The following LIMK2 variants were observed in gnomAD, a reference collection of about 807,000 sequenced individuals.
LIMK2 encodes the protein LIM domain kinase 2.
LIMK2 carries 35 observed loss-of-function variants against 75.7 expected under a neutral mutation model. The observed-to-expected ratio is 0.46, with a 90% CI of 0.35 to 0.61. LIMK2 has a LOEUF of 0.61. LIMK2 is among the 20% of genes least tolerant of loss of function. LIMK2 has a pLI of 0.00. For missense variants in LIMK2, 623 were observed against 831.0 expected (o/e 0.75, Z 3.08); for synonymous variants, 301 against 319.2 (o/e 0.94, Z 0.61).
At chr22:31,251,919 A>G (rs561650627) in intron 2 of LIMK2, among the ~76,000 whole-genome samples, 1 of 152,186 alleles carries the variant, frequency 6.6e-6, no homozygotes, top group South Asian at 2.1e-4. Flanking sequence ...AGCCCACTCA[A>G]TTCAGAGGCT....
chr22:31,232,253 G>GAA (rs34104927), intron 2 of LIMK2, among the ~76,000 whole-genome samples: 12,265 of 130,114 alleles, frequency 0.094, 885 homozygotes, highest in East Asian at 0.46. Flanking sequence ...ACTCCCAGGA[G>GAA]AAAAAAAAAA....
chr22:31,270,250 T>C (rs1384330538), intron 11 of LIMK2, among the ~76,000 whole-genome samples: 1 of 151,858 alleles, frequency 6.6e-6, no homozygotes, highest in African/African-American at 2.4e-5. Context: ...TCTCAGCTTG[T>C]GAAGAGGAGA....
chr22:31,244,883 G>T (rs1330592246), intron 2 of LIMK2, among the ~76,000 whole-genome samples: 1 of 152,176 alleles, frequency 6.6e-6, no homozygotes, highest in Non-Finnish European at 1.5e-5. Context: ...ATGGTAGAAC[G>T]TTGTCTATAA....
In LIMK2 at chr22:31,278,544, C is replaced by A; in HGVS notation, c.*103C>A. On this transcript the variant is annotated 3_prime_UTR_variant, in exon 16 of 16. Coordinates refer to ENST00000331728, the MANE Select transcript of LIMK2 (RefSeq NM_005569.4). ...GCCGTCCGGGCTTCCTGTGGATTGGCGGAATGTTTAGAAGCAGAACAAGCC... is the reference window on the plus strand; with the variant it reads ...GCCGTCCGGGCTTCCTGTGGATTGGAGGAATGTTTAGAAGCAGAACAAGCC... The A allele has an allele frequency of 7.6e-7, 1 of 1,311,466 alleles. No individual in the cohort carries two copies. Among genetic ancestry groups the A allele is most frequent in the Non-Finnish European group, 1.0e-6 (1 of 976,458 alleles). 81.2% of individuals were successfully genotyped at this position (1,311,466 alleles called of 1,614,324 possible). A position where few individuals can be genotyped will look rare whatever the true frequency, so the allele number is the denominator to read the frequency against.
intron 2 of LIMK2, among the ~76,000 whole-genome samples, chr22:31,250,962 G>A (rs1192701584): frequency 6.6e-6 from 1 of 152,162 alleles, no homozygotes; most frequent in Non-Finnish European, 1.5e-5. Context: ...CAGATTCCAT[G>A]GGGACATGAT....
intron 13 of LIMK2, chr22:31,273,022 C>A: frequency 8.7e-7 from 1 of 1,151,360 alleles, no homozygotes; most frequent in Non-Finnish European, 1.1e-6. Flanking sequence ...GTGTGGTGCC[C>A]TCTGGTGGAT....
At chr22:31,233,963 C>T (rs1372251954) in intron 2 of LIMK2, among the ~76,000 whole-genome samples, 1 of 152,184 alleles carries the variant, frequency 6.6e-6, no homozygotes, top group African/African-American at 2.4e-5. Context: ...AGCCACTCTG[C>T]ACCCCCTAAT....
At chr22:31,246,179 G>GCGCACACACACACA (rs1555886265) in intron 2 of LIMK2, among the ~76,000 whole-genome samples, 6 of 69,774 alleles carry the variant, frequency 8.6e-5, no homozygotes, top group Admixed American at 1.3e-4. Flanking sequence ...ACACACGCAC[G>GCGCACACACACACA]CACGCACACA....
chr22:31,220,468 G>T (rs2048423870), intron 1 of LIMK2, among the ~76,000 whole-genome samples: 1 of 152,182 alleles, frequency 6.6e-6, no homozygotes, highest in Admixed American at 6.5e-5. Context: ...AGGCCCTGGA[G>T]ATAAGAACAT....
intron 2 of LIMK2, chr22:31,248,863 T>A (rs2048696907): frequency 7.4e-7 from 1 of 1,342,944 alleles, no homozygotes; most frequent in Non-Finnish European, 1.1e-6. Flanking sequence ...ACTTAGTCCT[T>A]TACCATCGGT....
intron 2 of LIMK2, among the ~76,000 whole-genome samples, chr22:31,235,313 T>C (rs2123791106): frequency 6.6e-6 from 1 of 152,336 alleles, no homozygotes; most frequent in African/African-American, 2.4e-5. Flanking sequence ...CTGCAGTTAC[T>C]GTAAATGGCA....
chr22:31,258,520 C>A, intron 3 of LIMK2, 94 bp downstream of exon 3: 1 of 1,311,486 alleles, frequency 7.6e-7, no homozygotes, highest in Non-Finnish European at 1.1e-6. Flanking sequence ...TTTAGTCTTT[C>A]CATCAGCCAG....
rs981050231 is a variant in LIMK2, at chr22:31,262,319, T to C, written c.657+80T>C. 292 of 1,147,268 alleles carry C rather than the reference T, an allele frequency of 2.5e-4. No homozygotes were observed. The highest frequency in any genetic ancestry group is 3.6e-4 in the Admixed American group (21 of 57,642). 71.1% of individuals were successfully genotyped at this position (1,147,268 alleles called of 1,614,324 possible). ...GAGAAATCAGGCTGTAGCCTTTACC[T>C]TTTCCTACCCCCAGCCCATCTCTTT... On this transcript the variant is annotated intron_variant, in intron 6 of 15. Coordinates refer to ENST00000331728, the MANE Select transcript of LIMK2 (RefSeq NM_005569.4). The surrounding 1 kb of genome is among the most constrained non-coding windows in gnomAD (Gnocchi z 5.0).
At chr22:31,238,103 A>T (rs1407641599) in intron 2 of LIMK2, among the ~76,000 whole-genome samples, 1 of 143,066 alleles carries the variant, frequency 7.0e-6, no homozygotes, top group Non-Finnish European at 1.5e-5. Flanking sequence ...TGACAGAGGG[A>T]GACACTGTCT....
In LIMK2 at chr22:31,278,186, A is replaced by C. The variant is rs1214937158; in HGVS notation, c.1773-111A>C. On this transcript the variant is annotated intron_variant, in intron 15 of 15. Coordinates refer to ENST00000331728, the MANE Select transcript of LIMK2 (RefSeq NM_005569.4). ...TCACAGAGGCACTACTAGGTGAAGGAGTTTGCCTGACGTTATACAACCAGG... is the reference window on the plus strand; with the variant it reads ...TCACAGAGGCACTACTAGGTGAAGGCGTTTGCCTGACGTTATACAACCAGG... 4.6e-6 allele frequency: 4 copies of C among 867,036 alleles called. No homozygotes were observed. The East Asian group carries it at 1.0e-4, about 22-fold the overall frequency. 53.7% of individuals were successfully genotyped at this position (867,036 alleles called of 1,614,324 possible).
chr22:31,221,021 G>T (rs1454982643), intron 1 of LIMK2, among the ~76,000 whole-genome samples: 2 of 152,068 alleles, frequency 1.3e-5, no homozygotes, highest in East Asian at 3.8e-4. Context: ...TATACATAGA[G>T]AATAACTGGA....
chr22:31,262,839 G>C lies in LIMK2; in HGVS notation c.854+48G>C. The C allele has an allele frequency of 6.9e-7, 1 of 1,447,040 alleles. No homozygotes were observed. The allele number at this position is 1,447,040 out of a possible 1,614,324, so 89.6% of individuals were successfully genotyped here. A position where few individuals can be genotyped will look rare whatever the true frequency, so the allele number is the denominator to read the frequency against. Reference sequence around the variant, plus strand: ...TGTTCTGTCCTATGTCTGTCTCTCGGATGAAGCTGAGCTGGCTTTCAGAAG... The same window carrying C: ...TGTTCTGTCCTATGTCTGTCTCTCGCATGAAGCTGAGCTGGCTTTCAGAAG... On this transcript the variant is annotated intron_variant, in intron 7 of 15. Transcript: ENST00000331728. The surrounding 1 kb of genome is among the most constrained non-coding windows in gnomAD (Gnocchi z 5.0).
intron 15 of LIMK2, among the ~76,000 whole-genome samples, chr22:31,277,835 C>T (rs897003648): frequency 2.0e-5 from 3 of 152,104 alleles, no homozygotes; most frequent in East Asian, 1.9e-4. Flanking sequence ...CAAGTAAAGA[C>T]GATTGTTCAG....
chr22:31,259,119 A>G lies in LIMK2; in HGVS notation c.253-2A>G. 1 of 1,591,300 alleles carries G rather than the reference A, an allele frequency of 6.3e-7. No individual in the cohort carries two copies. The highest frequency in any genetic ancestry group is 8.6e-7 in the Non-Finnish European group (1 of 1,159,408). Reference sequence around the variant, plus strand: ...TACACCCTTCTCCCCACCTGCTCACAGGTGGCTGGGGAGTTCAAGTACCAC... The same window carrying G: ...TACACCCTTCTCCCCACCTGCTCACGGGTGGCTGGGGAGTTCAAGTACCAC... On this transcript the variant is annotated splice_acceptor_variant, in intron 3 of 15. Transcript: ENST00000331728. LOFTEE classifies it high-confidence loss of function.
Sources: allele counts gnomAD v4.1 joint callset (sites outside exome capture counted in the v4.1 genomes callset), GRCh38; gene constraint gnomAD v4.1.1; non-coding constraint Gnocchi (gnomAD v3.1); transcripts MANE v1.5; gene names NCBI Gene and HGNC (gene_info 2026-07-23, HGNC 2026-07-21).